Variants in LYPLAL1 observed in about 807,000 individuals in gnomAD.
The protein encoded by LYPLAL1 is lysophospholipase-like protein 1.
Under a neutral mutation model 19.7 loss-of-function variants are expected in LYPLAL1, and 23 were observed. That is an observed-to-expected ratio of 1.17 (90% CI 0.84 to 1.65). LYPLAL1 has a LOEUF of 1.65. Among genes scored for constraint, LYPLAL1 ranks in the 40% most tolerant of loss-of-function variants. The probability of loss-of-function intolerance (pLI) is 0.00; values close to 1 mark genes in which losing one functional copy is unlikely to be tolerated. For missense variants in LYPLAL1, 355 were observed against 279.4 expected, an observed-to-expected ratio of 1.27 and a Z score of -1.93; for synonymous variants, 119 against 96.3, an observed-to-expected ratio of 1.24 and a Z score of -1.38.
chr1:219,395,851 C>A, the LYPLAL1 span, among the ~76,000 whole-genome samples: 1 of 152,114 alleles, frequency 6.6e-6, no homozygotes, highest in African/African-American at 2.4e-5. Flanking sequence ...CACCTGTAAT[C>A]CCAGCACTTT....
the LYPLAL1 span, among the ~76,000 whole-genome samples, chr1:219,288,049 C>A: frequency 1.3e-5 from 2 of 152,156 alleles, no homozygotes; most frequent in Non-Finnish European, 2.9e-5. Flanking sequence ...TACCCAGTCT[C>A]AGGTAGTTCT....
the LYPLAL1 span, among the ~76,000 whole-genome samples, chr1:219,434,069 G>A: frequency 6.6e-6 from 1 of 152,084 alleles, no homozygotes; most frequent in Non-Finnish European, 1.5e-5. Flanking sequence ...AAAAGTCACT[G>A]TAAAATACCA....
the LYPLAL1 span, among the ~76,000 whole-genome samples, chr1:219,307,749 A>C: frequency 0.32 from 48,956 of 151,938 alleles, 8,333 homozygotes; most frequent in East Asian, 0.61. Flanking sequence ...TTTTCCCCAT[A>C]CTCTTCTCAT....
chr1:219,240,659 A>G, the LYPLAL1 span, among the ~76,000 whole-genome samples: 1 of 152,158 alleles, frequency 6.6e-6, no homozygotes, highest in African/African-American at 2.4e-5. Context: ...TTTAGCACTA[A>G]ATTCTCATGT....
chr1:219,214,143 A>G (rs920845470), downstream of LYPLAL1, among the ~76,000 whole-genome samples: 2 of 152,024 alleles, frequency 1.3e-5, no homozygotes, highest in African/African-American at 4.8e-5. Context: ...CAATTAATAT[A>G]TTTGTGATTT....
At chr1:219,176,501 G>C (rs148278808) in intron 1 of LYPLAL1, among the ~76,000 whole-genome samples, 2 of 152,136 alleles carry the variant, frequency 1.3e-5, no homozygotes, top group Non-Finnish European at 2.9e-5. Context: ...ATTTTCAGTC[G>C]TCCTCTTACG....
intron 3 of LYPLAL1, 181 bp from the exon 4 acceptor site, chr1:219,210,351 G>T: frequency 2.5e-6 from 1 of 396,434 alleles, no homozygotes; most frequent in Non-Finnish European, 4.4e-6. Context: ...GTGACATAGA[G>T]GGAACAGGGT....
chr1:219,366,926 T>A, the LYPLAL1 span, among the ~76,000 whole-genome samples: 7 of 152,010 alleles, frequency 4.6e-5, no homozygotes, highest in Non-Finnish European at 1.0e-4. Flanking sequence ...AATTAAATGA[T>A]TTTTTATCCC....
At chr1:219,423,328 C>T in the LYPLAL1 span, among the ~76,000 whole-genome samples, 1 of 152,136 alleles carries the variant, frequency 6.6e-6, no homozygotes, top group Admixed American at 6.6e-5. Flanking sequence ...CATCATGTCC[C>T]AGTGTTAGTG....
Position 219,210,662 on chromosome 1 carries a change from T to TA in LYPLAL1, c.477+24dup, listed in dbSNP as rs547484810. On this transcript the variant is annotated intron_variant, in intron 4 of 4. Transcript: ENST00000366928. ...CTGTTTACCAGGTAAGTTCCAGATT[T>TA]AAAAAAAAATGAAAAAAATATGAAA... 352 of 1,571,942 alleles carry TA rather than the reference T, an allele frequency of 2.2e-4. 1 individual carries two copies. Among genetic ancestry groups the TA allele is most frequent in the Middle Eastern group, 3.5e-4 (2 of 5,780 alleles).
chr1:219,395,011 ATCTAC>A, the LYPLAL1 span, among the ~76,000 whole-genome samples: 2 of 152,106 alleles, frequency 1.3e-5, no homozygotes, highest in Non-Finnish European at 2.9e-5. Flanking sequence ...TATTTTCTTC[ATCTAC>A]TCTACCACTG....
chr1:219,439,806 AT>A, the LYPLAL1 span, among the ~76,000 whole-genome samples: 4 of 151,744 alleles, frequency 2.6e-5, no homozygotes, highest in Non-Finnish European at 5.9e-5. Flanking sequence ...ATCATCAAAT[AT>A]TTTTTATGAT....
At chr1:219,404,251 T>C in the LYPLAL1 span, among the ~76,000 whole-genome samples, 11 of 151,964 alleles carry the variant, frequency 7.2e-5, no homozygotes, top group Admixed American at 7.2e-4. Flanking sequence ...CATTAAGGGG[T>C]TGGGTTTCAA....
chr1:219,273,449 T>C, the LYPLAL1 span: 1 of 152,226 alleles, frequency 6.6e-6, no homozygotes, highest in Non-Finnish European at 1.5e-5. Context: ...ATGTTGACTT[T>C]GATTTATTTG....
the LYPLAL1 span, among the ~76,000 whole-genome samples, chr1:219,385,841 A>G: frequency 6.6e-6 from 1 of 152,200 alleles, no homozygotes; most frequent in Non-Finnish European, 1.5e-5. Context: ...ACTTCCAAGC[A>G]GAGAGAAATA....
chr1:219,382,583 C>A, the LYPLAL1 span, among the ~76,000 whole-genome samples: 2 of 152,072 alleles, frequency 1.3e-5, no homozygotes, highest in African/African-American at 4.8e-5. Flanking sequence ...AGGACGGTCT[C>A]GATCTCCTGA....
At chr1:219,376,492 A>G in the LYPLAL1 span, among the ~76,000 whole-genome samples, 1 of 152,192 alleles carries the variant, frequency 6.6e-6, no homozygotes, top group African/African-American at 2.4e-5. Context: ...ACTGTTGAAA[A>G]CTTTTGTGCA....
intron 3 of LYPLAL1, among the ~76,000 whole-genome samples, chr1:219,201,207 TA>T (rs1176802198): frequency 6.6e-6 from 1 of 152,110 alleles, no homozygotes; most frequent in African/African-American, 2.4e-5. Context: ...TAGTTTGACA[TA>T]AAAAAACTTT....
intron 3 of LYPLAL1, among the ~76,000 whole-genome samples, chr1:219,206,103 AT>A (rs1206774736): frequency 6.6e-6 from 1 of 152,040 alleles, no homozygotes; most frequent in South Asian, 2.1e-4. Flanking sequence ...CTTTAAGTGG[AT>A]TTTTTTAAGG....
Sources: allele counts gnomAD v4.1 joint callset (sites outside exome capture counted in the v4.1 genomes callset), GRCh38; gene constraint gnomAD v4.1.1; transcripts MANE v1.5; gene names NCBI Gene and HGNC (gene_info 2026-07-23, HGNC 2026-07-21).